Variants in F13A1 observed in about 807,000 individuals in gnomAD.
F13A1 encodes the protein coagulation factor XIII A chain, also known as FSF, A subunit.
In F13A1, 47 loss-of-function variants were observed where a neutral mutation model predicts 80.1. The ratio of observed to expected loss-of-function variants is 0.59; its 90% CI spans 0.46 to 0.75. The LOEUF is 0.75. Ranked by LOEUF, F13A1 falls within the 30% of genes least tolerant of loss-of-function variation. The pLI is 0.00. For missense variants in F13A1, 817 were observed against 930.4 expected, an observed-to-expected ratio of 0.88 and a Z score of 1.59; for synonymous variants, 349 against 344.9, an observed-to-expected ratio of 1.01 and a Z score of -0.13.
At position 6,164,658 on chromosome 6, in the gene F13A1, C is replaced by CA. The variant is rs552926492; in HGVS notation, c.1908+2799dup. On this transcript the variant is annotated intron_variant, in intron 13 of 14. Transcript: ENST00000264870. ...CTCCCCGTTTTTCTCTTCTCCCCCCCATTCTCGCTCCTTTTTCCCTCTTGT... is the reference window on the plus strand; with the variant it reads ...CTCCCCGTTTTTCTCTTCTCCCCCCCAATTCTCGCTCCTTTTTCCCTCTTGT... Among the ~76,000 whole-genome samples, 335 of 150,868 alleles carry CA rather than the reference C, an allele frequency of 2.2e-3. 1 individual carries two copies. The highest frequency in any genetic ancestry group is 7.4e-3 in the African/African-American group (304 of 40,966).
chr6:6,262,239 C>T (rs1206200223), intron 4 of F13A1, among the ~76,000 whole-genome samples: 1 of 150,372 alleles, frequency 6.7e-6, no homozygotes, highest in African/African-American at 2.5e-5. Context: ...GTGCTCCAAG[C>T]GTGGTGACCC....
In F13A1 at chr6:6,250,901, T is replaced by G; in HGVS notation, c.600A>C (p.Lys200Asn). The G allele has an allele frequency of 6.2e-7, 1 of 1,613,042 alleles. No homozygotes were observed. Among genetic ancestry groups the G allele is most frequent in the Non-Finnish European group, 8.5e-7 (1 of 1,179,308 alleles). Reference protein sequence around the residue: ...EDDAVYLDNEKEREEYVLNDI... With the variant: ...EDDAVYLDNENEREEYVLNDI... ...CATTCAGGACATACTCTTCTCTTTC[T>G]TTCTCATTGTCCAGATACACAGCAT... The change falls in exon 5 of 15, where the codon AAA becomes AAC. Residue 200 changes from lysine to asparagine, a missense_variant. Transcript: ENST00000264870. The surrounding 1 kb of genome is among the most constrained non-coding windows in gnomAD (Gnocchi z 4.2).
At position 6,243,882 on chromosome 6, in the gene F13A1, T is replaced by C. The variant is rs1040001518; in HGVS notation, c.798+4430A>G. 6.6e-6 allele frequency among the ~76,000 whole-genome samples: 1 copy of C among 152,236 alleles called. No individual in the cohort carries two copies. Among genetic ancestry groups the C allele is most frequent in the Admixed American group, 6.5e-5 (1 of 15,280 alleles). ...TGTCACAGTGAATAACGAGCCTTTATCTGCAGTAGCGGCAGCCTTTGCAGA... is the reference window on the plus strand; with the variant it reads ...TGTCACAGTGAATAACGAGCCTTTACCTGCAGTAGCGGCAGCCTTTGCAGA... On this transcript the variant is annotated intron_variant, in intron 6 of 14. Transcript: ENST00000264870. This position sits in a 1 kb window ranked among gnomAD's most constrained non-coding sequence, Gnocchi z 4.2.
chr6:6,183,328 G>T (rs1401479909), intron 10 of F13A1, among the ~76,000 whole-genome samples: 1 of 152,146 alleles, frequency 6.6e-6, no homozygotes, highest in East Asian at 1.9e-4. Flanking sequence ...CATAGTGTCT[G>T]GCATAGAGTA....
At chr6:6,185,442 A>G (rs1441140201) in intron 10 of F13A1, among the ~76,000 whole-genome samples, 3 of 134,554 alleles carry the variant, frequency 2.2e-5, no homozygotes, top group East Asian at 4.8e-4. Flanking sequence ...TCATTGTTCA[A>G]TTCCCACCTA....
intron 3 of F13A1, among the ~76,000 whole-genome samples, chr6:6,290,565 G>T (rs1758208863): frequency 6.6e-6 from 1 of 152,186 alleles, no homozygotes; most frequent in South Asian, 2.1e-4. Flanking sequence ...AATGTGCCTT[G>T]GGCCTCTATG....
At chr6:6,160,867 T>G (rs547404286) in intron 13 of F13A1, among the ~76,000 whole-genome samples, 4 of 147,396 alleles carry the variant, frequency 2.7e-5, no homozygotes, top group Admixed American at 6.7e-5. Flanking sequence ...TTTTTTTTTT[T>G]GAAAAATTTG....
chr6:6,273,018 C>T (rs533944222), intron 3 of F13A1, among the ~76,000 whole-genome samples: 5 of 152,140 alleles, frequency 3.3e-5, no homozygotes, highest in Admixed American at 3.3e-4. Flanking sequence ...GGATACCCTA[C>T]TTTGTAATGG....
rs561548692 is a variant in F13A1 at position 6,175,977 on chromosome 6, C to T, written c.1460-1110G>A. On this transcript the variant is annotated intron_variant, in intron 11 of 14. Coordinates refer to ENST00000264870, the MANE Select transcript of F13A1 (RefSeq NM_000129.4). Reference sequence around the variant, plus strand: ...ACACTGGGAAGGTGGGAGAACGGTCCTTACAGAGCCTTGGACAAAAGGCTT... The same window carrying T: ...ACACTGGGAAGGTGGGAGAACGGTCTTTACAGAGCCTTGGACAAAAGGCTT... Among the ~76,000 whole-genome samples the T allele has an allele frequency of 7.2e-4, 110 of 152,348 alleles. 2 individuals carry two copies. The South Asian group carries it at 0.022, about 30-fold the overall frequency.
intron 3 of F13A1, among the ~76,000 whole-genome samples, chr6:6,284,225 A>C (rs1160442171): frequency 6.6e-6 from 1 of 152,206 alleles, no homozygotes; most frequent in East Asian, 1.9e-4. Flanking sequence ...AAATTTGGCT[A>C]ACACTCCACT....
intron 4 of F13A1, among the ~76,000 whole-genome samples, chr6:6,266,098 T>C (rs3024362): frequency 0.15 from 23,436 of 152,274 alleles, 1,997 homozygotes; most frequent in Non-Finnish European, 0.19. Flanking sequence ...AGGTTTTATC[T>C]TCATACACAT....
chr6:6,262,552 C>G (rs1186269213), intron 4 of F13A1, among the ~76,000 whole-genome samples: 1 of 152,162 alleles, frequency 6.6e-6, no homozygotes, highest in Admixed American at 6.5e-5. Flanking sequence ...CTAGTTTGCC[C>G]TGTGTTCTGG....
intron 8 of F13A1, among the ~76,000 whole-genome samples, chr6:6,219,521 G>T (rs1757156552): frequency 6.6e-6 from 1 of 152,178 alleles, no homozygotes; most frequent in Admixed American, 6.5e-5. Context: ...TACTGATGAA[G>T]AAAATGAAGC....
At chr6:6,293,184 A>G (rs1276612624) in intron 3 of F13A1, among the ~76,000 whole-genome samples, 1 of 152,182 alleles carries the variant, frequency 6.6e-6, no homozygotes, top group Non-Finnish European at 1.5e-5. Flanking sequence ...AAACTTGCTC[A>G]TGGACCCTAC....
At chr6:6,171,913 GT>G in intron 12 of F13A1, among the ~76,000 whole-genome samples, 1 of 152,296 alleles carries the variant, frequency 6.6e-6, no homozygotes, top group South Asian at 2.1e-4. Flanking sequence ...TCAGGTCTCT[GT>G]TAAATGTCAC....
intron 4 of F13A1, among the ~76,000 whole-genome samples, chr6:6,256,742 G>C (rs1757709164): frequency 6.6e-6 from 1 of 152,128 alleles, no homozygotes; most frequent in Non-Finnish European, 1.5e-5. Flanking sequence ...TGAGCCTACT[G>C]ATTTTAGTAT....
intron 10 of F13A1, among the ~76,000 whole-genome samples, chr6:6,194,312 C>A (rs147245221): frequency 5.3e-4 from 81 of 152,306 alleles, no homozygotes; most frequent in African/African-American, 1.9e-3. Flanking sequence ...CCTTCCAACA[C>A]CCCTGATGCA....
chr6:6,239,023 A>G (rs79339940), intron 6 of F13A1, among the ~76,000 whole-genome samples: 1,844 of 152,308 alleles, frequency 0.012, 50 homozygotes, highest in Admixed American at 0.055. Context: ...AGATATATGA[A>G]AACACATACA....
At chr6:6,151,789 C>A (rs371271959) in intron 14 of F13A1, 24 bp downstream of exon 14, 4 of 1,613,736 alleles carry the variant, frequency 2.5e-6, no homozygotes, top group Non-Finnish European at 2.5e-6. Flanking sequence ...ACTGCCTGCC[C>A]GGTCTCCCCA....
Sources: gnomAD v4.1 joint callset for allele counts (sites outside exome capture counted in the v4.1 genomes callset) on GRCh38, gnomAD v4.1.1 for gene constraint, Gnocchi (gnomAD v3.1) non-coding constraint, MANE v1.5 for transcripts, NCBI Gene and HGNC (gene_info 2026-07-23, HGNC 2026-07-21) for gene names.